Variants in CADPS2 observed in about 807,000 individuals in gnomAD.
CADPS2 encodes the protein calcium-dependent secretion activator 2.
CADPS2 carries 93 observed loss-of-function variants against 172.5 expected under a neutral mutation model. That is an observed-to-expected ratio of 0.54 (90% CI 0.46 to 0.64). CADPS2 has a LOEUF of 0.64. CADPS2 is among the 30% of genes least tolerant of loss of function. The pLI, the probability that CADPS2 is intolerant of heterozygous loss-of-function variation, is 0.00. For missense variants in CADPS2, 1,420 were observed against 1,565.9 expected (o/e 0.91, Z 1.57); for synonymous variants, 546 against 555.2 (o/e 0.98, Z 0.23).
chr7:122,477,433 T>A (rs1468864270), intron 12 of CADPS2, among the ~76,000 whole-genome samples: 2 of 151,868 alleles, frequency 1.3e-5, no homozygotes, highest in African/African-American at 4.8e-5. Flanking sequence ...GGAGAACTGC[T>A]TGAACCCAGG....
rs770016299 is a variant in CADPS2, at chr7:122,698,806, C to CA, written c.454-35238dup. 8 of 1,613,852 alleles carry CA rather than the reference C, an allele frequency of 5.0e-6. No homozygotes were observed. The South Asian group carries it at 7.7e-5, about 16-fold the overall frequency. On this transcript the variant is annotated intron_variant, in intron 2 of 29. Transcript: ENST00000449022. ...AAATGATATGTTCATATAAGCCATC[C>CA]AAACAACACTTGCTCTGCAACAGTT...
At chr7:122,413,786 A>C (rs1347611267) in intron 19 of CADPS2, among the ~76,000 whole-genome samples, 1 of 152,216 alleles carries the variant, frequency 6.6e-6, no homozygotes, top group Non-Finnish European at 1.5e-5. Context: ...TTTGTTTTTT[A>C]AAGGACAAAA....
chr7:122,327,909 C>T (rs759325664), intron 28 of CADPS2, among the ~76,000 whole-genome samples: 10 of 151,636 alleles, frequency 6.6e-5, no homozygotes, highest in Admixed American at 1.3e-4. Context: ...TCAGCAAAAG[C>T]TTCTAAGAAA....
At chr7:122,855,276 A>G (rs1416942761) in intron 1 of CADPS2, among the ~76,000 whole-genome samples, 1 of 152,204 alleles carries the variant, frequency 6.6e-6, no homozygotes, top group Non-Finnish European at 1.5e-5. Flanking sequence ...AAAGGAAGGG[A>G]GCAGCCACTG....
At position 122,670,591 on chromosome 7, in the gene CADPS2, G is replaced by A. The variant is rs530762234; in HGVS notation, c.454-7022C>T. On this transcript the variant is annotated intron_variant, in intron 2 of 29. Coordinates refer to ENST00000449022, the MANE Select transcript of CADPS2 (RefSeq NM_017954.11). The stretch of plus-strand genomic sequence containing the variant: ...CAGCTCACTGCAACCTCTGCCTCCC[G>A]GGCTGAAGCAATTCTCTCACCTCAG... 2.0e-3 allele frequency among the ~76,000 whole-genome samples: 299 copies of A among 151,606 alleles called. 1 individual carries two copies. Among genetic ancestry groups the A allele is most frequent in the African/African-American group, 6.9e-3 (284 of 41,300 alleles).
chr7:122,855,623 A>C (rs1563183749), intron 1 of CADPS2, among the ~76,000 whole-genome samples: 1 of 152,170 alleles, frequency 6.6e-6, no homozygotes, highest in Non-Finnish European at 1.5e-5. Context: ...TGAAATTTGG[A>C]AAACAAGAGA....
At chr7:122,346,960 ATAAC>A (rs1233485962) in intron 27 of CADPS2, among the ~76,000 whole-genome samples, 1 of 152,202 alleles carries the variant, frequency 6.6e-6, no homozygotes, top group Non-Finnish European at 1.5e-5. Context: ...GAACAAAATG[ATAAC>A]TATCTATCAC....
intron 1 of CADPS2, among the ~76,000 whole-genome samples, chr7:122,762,985 G>C (rs2093438242): frequency 6.6e-6 from 1 of 152,052 alleles, no homozygotes; most frequent in Non-Finnish European, 1.5e-5. Flanking sequence ...GGCCTGCGAA[G>C]GTGACCTACA....
chr7:122,453,109 A>AT (rs545935271), intron 14 of CADPS2, among the ~76,000 whole-genome samples: 286 of 152,204 alleles, frequency 1.9e-3, no homozygotes, highest in Middle Eastern at 0.014. Flanking sequence ...ATTTCTTACA[A>AT]TTTTTTATTC....
intron 2 of CADPS2, chr7:122,702,403 G>A (rs780328932): frequency 1.2e-6 from 2 of 1,613,730 alleles, no homozygotes; most frequent in Non-Finnish European, 1.7e-6. Flanking sequence ...CTGCCACGTT[G>A]ATTTTATGTG....
chr7:122,625,993 G>A (rs1267405253), intron 4 of CADPS2, among the ~76,000 whole-genome samples: 2 of 152,144 alleles, frequency 1.3e-5, no homozygotes, highest in African/African-American at 4.8e-5. Context: ...TTCGCTGCAG[G>A]TGAAGAGTCA....
At chr7:122,834,492 C>T (rs940403800) in intron 1 of CADPS2, among the ~76,000 whole-genome samples, 1 of 152,074 alleles carries the variant, frequency 6.6e-6, no homozygotes, top group Non-Finnish European at 1.5e-5. Flanking sequence ...TGAGGCAATG[C>T]CTCACCCGGG....
chr7:122,554,783 A>C, intron 7 of CADPS2, 94 bp from the exon 8 acceptor site: 1 of 1,161,128 alleles, frequency 8.6e-7, no homozygotes, highest in Non-Finnish European at 1.2e-6. Flanking sequence ...GTTTGAAAAA[A>C]TGATGTCAAC....
At chr7:122,657,347 A>C (rs11972386) in intron 3 of CADPS2, among the ~76,000 whole-genome samples, 78,663 of 152,034 alleles carry the variant, frequency 0.52, 20,634 homozygotes, top group East Asian at 0.72. Context: ...TCTGTGAAGA[A>C]AGTCATTGGT....
rs141700906 is a variant in CADPS2 at position 122,464,373 on chromosome 7, A to G, written c.2186+7002T>C. 6.5e-3 allele frequency among the ~76,000 whole-genome samples: 988 copies of G among 152,308 alleles called. 9 individuals are homozygous for G. The highest frequency in any genetic ancestry group is 0.027 in the Middle Eastern group (8 of 294). ...TATACGGATATAAACAAATGGTTAA[A>G]TAAATAAATTGGAAAGAAGAGACAT... On this transcript the variant is annotated intron_variant, in intron 14 of 29. Transcript: ENST00000449022.
intron 3 of CADPS2, among the ~76,000 whole-genome samples, chr7:122,653,250 A>T (rs939405838): frequency 2.0e-5 from 3 of 152,176 alleles, no homozygotes. Context: ...GCTGCCAAAA[A>T]CAAGGGGCCA....
Position 122,513,289 on chromosome 7 carries a change from ACCT to A in CADPS2, c.1499_1501del (p.Lys500_Val501delinsIle). On this transcript the variant is annotated inframe_deletion, in exon 9 of 30. Coordinates refer to ENST00000449022, the MANE Select transcript of CADPS2 (RefSeq NM_017954.11). ...GTAACGTTTTTTCCATCTTTTCCAA[ACCT>A]TCTGTCCAAGGGCATACAGATATCT... The A allele has an allele frequency of 6.4e-7, 1 of 1,562,246 alleles. No homozygotes were observed. Among genetic ancestry groups the A allele is most frequent in the Non-Finnish European group, 8.7e-7 (1 of 1,151,922 alleles).
chr7:122,842,142 G>A (rs938295031), intron 1 of CADPS2, among the ~76,000 whole-genome samples: 5 of 152,146 alleles, frequency 3.3e-5, no homozygotes, highest in African/African-American at 9.7e-5. Context: ...TCAGGAACAC[G>A]GCCCACTTCA....
At chr7:122,647,520 A>G (rs767220331) in intron 3 of CADPS2, among the ~76,000 whole-genome samples, 3 of 152,208 alleles carry the variant, frequency 2.0e-5, no homozygotes, top group Non-Finnish European at 4.4e-5. Context: ...AATCATTGTC[A>G]TCTATTACAT....
Sources: allele counts gnomAD v4.1 joint callset (sites outside exome capture counted in the v4.1 genomes callset), GRCh38; gene constraint gnomAD v4.1.1; transcripts MANE v1.5; gene names NCBI Gene and HGNC (gene_info 2026-07-23, HGNC 2026-07-21).